PRUNE2: variants seen among roughly 807,000 people sequenced by gnomAD.
PRUNE2 encodes the protein prune homolog 2 with BCH domain.
In PRUNE2, 164 loss-of-function variants were observed where a neutral mutation model predicts 252.0. That is an observed-to-expected ratio of 0.65 (90% confidence interval 0.57 to 0.74). PRUNE2 has a LOEUF of 0.74. Ranked by LOEUF, PRUNE2 falls within the 30% of genes least tolerant of loss-of-function variation. PRUNE2 has a pLI of 0.00. For synonymous variants in PRUNE2, 1,292 were observed against 1,350.2 expected (o/e 0.96, Z 0.94); for missense variants, 3,495 against 3,711.0 (o/e 0.94, Z 1.51).
chr9:76,683,657 C>G (rs2043737989), intron 9 of PRUNE2, among the ~76,000 whole-genome samples: 1 of 151,894 alleles, frequency 6.6e-6, no homozygotes, highest in African/African-American at 2.4e-5. Flanking sequence ...GGTCATGAAC[C>G]CTGAAATTAG....
chr9:76,846,036 G>A (rs2059654146), intron 4 of PRUNE2, among the ~76,000 whole-genome samples: 1 of 152,186 alleles, frequency 6.6e-6, no homozygotes, highest in East Asian at 1.9e-4. Context: ...GAGCAAAGGA[G>A]GTGACATCTG....
chr9:76,787,977 T>G (rs1452655042), intron 6 of PRUNE2, among the ~76,000 whole-genome samples: 2 of 152,174 alleles, frequency 1.3e-5, no homozygotes, highest in Non-Finnish European at 2.9e-5. Context: ...CTCGGAACAT[T>G]CCCTGTCTAG....
At chr9:76,757,314 A>G (rs1239417604) in intron 6 of PRUNE2, among the ~76,000 whole-genome samples, 3 of 152,248 alleles carry the variant, frequency 2.0e-5, no homozygotes, top group Non-Finnish European at 4.4e-5. Flanking sequence ...TAGATTAATT[A>G]GTTAATATTT....
At chr9:76,619,131 G>C (rs1054150400) in intron 18 of PRUNE2, among the ~76,000 whole-genome samples, 1 of 152,210 alleles carries the variant, frequency 6.6e-6, no homozygotes, top group Non-Finnish European at 1.5e-5. Flanking sequence ...CATGTCCACA[G>C]GTTGTCCTTT....
intron 11 of PRUNE2, among the ~76,000 whole-genome samples, chr9:76,649,934 C>T (rs1365745420): frequency 3.0e-5 from 2 of 67,070 alleles, no homozygotes; most frequent in Non-Finnish European, 5.7e-5. Context: ...TAGAGTAACG[C>T]TTACTTTTTT....
intron 6 of PRUNE2, among the ~76,000 whole-genome samples, chr9:76,822,352 G>A (rs969355396): frequency 6.6e-6 from 1 of 152,158 alleles, no homozygotes; most frequent in Non-Finnish European, 1.5e-5. Flanking sequence ...AGATTTATAA[G>A]CTGAATTATA....
intron 6 of PRUNE2, among the ~76,000 whole-genome samples, chr9:76,723,838 C>T (rs1370250591): frequency 2.8e-5 from 4 of 142,992 alleles, no homozygotes; most frequent in East Asian, 2.1e-4. Context: ...GATGGAGTAT[C>T]GCTCTGTCGC....
At chr9:76,616,401 T>C (rs7031261) in intron 18 of PRUNE2, among the ~76,000 whole-genome samples, 54,087 of 152,064 alleles carry the variant, frequency 0.36, 10,852 homozygotes, top group African/African-American at 0.53. Flanking sequence ...GGTTGACTTT[T>C]TCCCATAGAT....
At chr9:76,867,990 T>C (rs1162390271) in intron 1 of PRUNE2, among the ~76,000 whole-genome samples, 3 of 152,152 alleles carry the variant, frequency 2.0e-5, no homozygotes, top group East Asian at 1.9e-4. Flanking sequence ...TGTGGAGAAA[T>C]AGCCCCAAAT....
Position 76,703,753 on chromosome 9 carries a change from C to T in PRUNE2, c.7860G>A (p.Thr2620=). ...SAEKMSSKSD[T]RSSFESPAQD... is the part of the protein sequence containing the mutation. Reference sequence around the variant, plus strand: ...GTGCAGGGCTTTCAAAAGATGATCTCGTATCGCTTTTAGAAGACATTTTCT... The same window carrying T: ...GTGCAGGGCTTTCAAAAGATGATCTTGTATCGCTTTTAGAAGACATTTTCT... The change falls in exon 9 of 19, where the codon ACG becomes ACA. Residue 2620 remains threonine, a synonymous_variant. Transcript: ENST00000376718. 3 of 1,613,698 alleles carry T rather than the reference C, an allele frequency of 1.9e-6. No homozygotes were observed. Among genetic ancestry groups the T allele is most frequent in the Middle Eastern group, 1.6e-4 (1 of 6,062 alleles).
intron 1 of PRUNE2, among the ~76,000 whole-genome samples, chr9:76,872,784 G>C (rs72735033): frequency 2.1e-4 from 32 of 152,232 alleles, no homozygotes; most frequent in Non-Finnish European, 3.8e-4. Flanking sequence ...GATGAAACAA[G>C]ATTAGCAAAA....
chr9:76,902,037 G>A (rs995841999), intron 1 of PRUNE2, among the ~76,000 whole-genome samples: 3 of 152,106 alleles, frequency 2.0e-5, no homozygotes, highest in African/African-American at 7.2e-5. Context: ...TGCATCACCT[G>A]GGGGGGTCTG....
chr9:76,710,464 T>A lies in PRUNE2; in HGVS notation c.1810A>T (p.Thr604Ser). 1 of 1,613,978 alleles carries A rather than the reference T, an allele frequency of 6.2e-7. No homozygotes were observed. Among genetic ancestry groups the A allele is most frequent in the Middle Eastern group, 1.6e-4 (1 of 6,062 alleles). Residue 604 changes from threonine to serine, a missense_variant, in exon 8 of 19, where the codon ACT (threonine) becomes TCT (serine). Physicochemically the swap from Thr to Ser is moderately conservative, Grantham distance 58. Coordinates refer to ENST00000376718, the MANE Select transcript of PRUNE2 (RefSeq NM_015225.3). ...GGTGTTGGTGGGATCCTCTTTCCAG[T>A]ATTTTTTAGCCTTTCTGGGGAAGGG... ...ESPSPERLKN[T>S]GKRIPPTPMN... is the part of the protein sequence containing the mutation.
At chr9:76,788,661 C>T in intron 6 of PRUNE2, 1 of 596,880 alleles carries the variant, frequency 1.7e-6, no homozygotes, top group Non-Finnish European at 3.0e-6. Flanking sequence ...CATCACTATT[C>T]CAATTTGACA....
At position 76,627,846 on chromosome 9, in the gene PRUNE2, G is replaced by A. The variant is rs191668654; in HGVS notation, c.9149+1346C>T. The A allele has an allele frequency of 5.5e-5, 24 of 433,660 alleles. No individual in the cohort carries two copies. In the East Asian group the frequency reaches 1.8e-3, roughly 32 times the overall value. The allele number at this position is 433,660 out of a possible 1,614,324, so 26.9% of individuals were successfully genotyped here. The stretch of plus-strand genomic sequence containing the variant: ...TTACGTCCCCTGCATCTGTAAAACA[G>A]GGGTTTACTATAAGAGTTAAATAAA... On this transcript the variant is annotated intron_variant, in intron 16 of 18. Transcript: ENST00000376718.
intron 6 of PRUNE2, among the ~76,000 whole-genome samples, chr9:76,715,009 G>A (rs1228566135): frequency 6.6e-6 from 1 of 152,138 alleles, no homozygotes; most frequent in Non-Finnish European, 1.5e-5. Context: ...GCACTCAAGG[G>A]ATTTAAAAGA....
In PRUNE2 at chr9:76,638,177, A is replaced by G. The variant is rs1840965496; in HGVS notation, c.8831+9T>C. 1 of 1,578,026 alleles carries G rather than the reference A, an allele frequency of 6.3e-7. No homozygotes were observed. The highest frequency in any genetic ancestry group is 1.3e-5 in the African/African-American group (1 of 74,218). ...TAACTCAAAGCACTTTGTCATAAGTATCACTCACAGGAAAAGATTTTCCAT... is the reference window on the plus strand; with the variant it reads ...TAACTCAAAGCACTTTGTCATAAGTGTCACTCACAGGAAAAGATTTTCCAT... On this transcript the variant is annotated intron_variant, in intron 13 of 18. Coordinates refer to ENST00000376718, the MANE Select transcript of PRUNE2 (RefSeq NM_015225.3).
intron 4 of PRUNE2, 118 bp downstream of exon 4, chr9:76,846,397 T>C: frequency 1.3e-6 from 1 of 769,246 alleles, no homozygotes; most frequent in South Asian, 2.6e-5. Flanking sequence ...TGATGAAGCT[T>C]CCCGTGGTCT....
intron 1 of PRUNE2, among the ~76,000 whole-genome samples, chr9:76,855,559 C>T (rs771783193): frequency 4.6e-5 from 7 of 152,032 alleles, no homozygotes; most frequent in African/African-American, 7.2e-5. Context: ...CAGAGTCAAA[C>T]GCAATAGGTT....
Sources: gnomAD v4.1 joint callset for allele counts (sites outside exome capture counted in the v4.1 genomes callset) on GRCh38, gnomAD v4.1.1 for gene constraint, MANE v1.5 for transcripts, NCBI Gene and HGNC (gene_info 2026-07-23, HGNC 2026-07-21) for gene names.